EXD3: variants seen among roughly 807,000 people sequenced by gnomAD.
EXD3 encodes exonuclease 3'-5' domain containing 3, also known as exonuclease mut-7 homolog.
A neutral mutation model predicts 98.0 loss-of-function variants in EXD3; 92 were observed. The ratio of observed to expected loss-of-function variants is 0.94; its 90% confidence interval spans 0.79 to 1.12. The LOEUF (loss-of-function observed/expected upper bound fraction) is 1.12. Among genes scored for constraint, EXD3 ranks in the 50% most tolerant of loss-of-function variants. The probability of loss-of-function intolerance (pLI) is 0.00; values close to 1 mark genes in which losing one functional copy is unlikely to be tolerated. For synonymous variants in EXD3, 569 were observed against 526.0 expected (o/e 1.08, Z -1.12); for missense variants, 1,222 against 1,191.6 (o/e 1.03, Z -0.38).
At chr9:137,333,080 G>C (rs1001699182) in intron 17 of EXD3, among the ~76,000 whole-genome samples, 4 of 152,184 alleles carry the variant, frequency 2.6e-5, no homozygotes, top group Non-Finnish European at 5.9e-5. Flanking sequence ...AAGCACGCAG[G>C]AGAAGATGGA....
chr9:137,341,925 ACCAGGAGCCGTCTC>A (rs1833673619), intron 17 of EXD3, among the ~76,000 whole-genome samples: 1 of 20,752 alleles, frequency 4.8e-5, no homozygotes, highest in Non-Finnish European at 9.9e-5. Flanking sequence ...GGGCTCAGGC[ACCAGGAGCCGTCTC>A]CCAGGAGTCA....
intron 19 of EXD3, among the ~76,000 whole-genome samples, chr9:137,320,139 G>A (rs1310313998): frequency 2.0e-5 from 3 of 152,060 alleles, no homozygotes; most frequent in Admixed American, 6.5e-5. Context: ...CAGCATCTGC[G>A]GGATGTGCAC....
chr9:137,339,496 C>CAAAAAAAAAAAAAAAAAAAAAAT, intron 17 of EXD3, among the ~76,000 whole-genome samples: 1 of 92,698 alleles, frequency 1.1e-5, no homozygotes, highest in Non-Finnish European at 2.3e-5. Context: ...GACGCCACTT[C>CAAAAAAAAAAAAAAAAAAAAAAT]AAAAAAAAAA....
chr9:137,330,341 A>ACTACACAGGACTACATAGGAG (rs1832969817), intron 17 of EXD3, among the ~76,000 whole-genome samples: 2 of 119,072 alleles, frequency 1.7e-5, no homozygotes, highest in Non-Finnish European at 3.6e-5. Flanking sequence ...ACTACACAGG[A>ACTACACAGGACTACATAGGAG]CTACACAGGA....
intron 1 of EXD3, among the ~76,000 whole-genome samples, chr9:137,400,483 G>A (rs1234453175): frequency 1.3e-5 from 2 of 152,210 alleles, no homozygotes; most frequent in African/African-American, 4.8e-5. Flanking sequence ...CAGCCATTCT[G>A]GGCCGGGCAT....
At chr9:137,370,735 G>T (rs924015494) in intron 5 of EXD3, among the ~76,000 whole-genome samples, 3 of 151,600 alleles carry the variant, frequency 2.0e-5, no homozygotes, top group African/African-American at 7.3e-5. Context: ...CGAAGGCCGA[G>T]GACCCCAGCG....
intron 5 of EXD3, among the ~76,000 whole-genome samples, chr9:137,372,637 C>T (rs541799024): frequency 6.6e-6 from 1 of 152,326 alleles, no homozygotes; most frequent in African/African-American, 2.4e-5. Context: ...CCAGTGCATG[C>T]TGGGAGACAC....
At chr9:137,388,525 C>T (rs114729465) in intron 2 of EXD3, among the ~76,000 whole-genome samples, 2,011 of 152,234 alleles carry the variant, frequency 0.013, 32 homozygotes, top group African/African-American at 0.045. Context: ...CGACACTCTA[C>T]CATAAAGCGG....
At chr9:137,313,983 C>T (rs570411757) in intron 19 of EXD3, among the ~76,000 whole-genome samples, 92 of 152,294 alleles carry the variant, frequency 6.0e-4, no homozygotes, top group Non-Finnish European at 1.1e-3. Flanking sequence ...GCGGGGGTCG[C>T]CAGTGTGCCG....
intron 3 of EXD3, chr9:137,374,498 C>T (rs563136563): frequency 2.1e-6 from 2 of 941,222 alleles, no homozygotes; most frequent in East Asian, 1.2e-4. Context: ...GAGGCTGCCG[C>T]GCAGCTTTGA....
At chr9:137,397,765 A>G (rs1053341558) in intron 1 of EXD3, among the ~76,000 whole-genome samples, 1 of 152,164 alleles carries the variant, frequency 6.6e-6, no homozygotes, top group African/African-American at 2.4e-5. Flanking sequence ...CCTAGGCAAC[A>G]TGGTCAAACT....
At chr9:137,370,917 C>T (rs1242790372) in intron 5 of EXD3, among the ~76,000 whole-genome samples, 2 of 152,198 alleles carry the variant, frequency 1.3e-5, no homozygotes, top group Non-Finnish European at 2.9e-5. Context: ...AGCCGCTGCC[C>T]TCGACATGAA....
chr9:137,350,107 G>A (rs566602038), intron 14 of EXD3, among the ~76,000 whole-genome samples: 6 of 103,662 alleles, frequency 5.8e-5, no homozygotes, highest in Admixed American at 2.7e-4. Flanking sequence ...AGAGGGGTGG[G>A]GATCACGGGG....
At position 137,340,645 on chromosome 9, in the gene EXD3, G is replaced by A. The variant is rs116918047; in HGVS notation, c.1998+7426C>T. Among the ~76,000 whole-genome samples the A allele has an allele frequency of 9.6e-4, 146 of 151,842 alleles. 4 individuals are homozygous for A. The East Asian group carries it at 0.021, about 22-fold the overall frequency. Reference sequence around the variant, plus strand: ...TGGGTTCAAGTGATCATCCCACCTCGGTCCCCCAGGTGGCCAGGACCACAG... The same window carrying A: ...TGGGTTCAAGTGATCATCCCACCTCAGTCCCCCAGGTGGCCAGGACCACAG... On this transcript the variant is annotated intron_variant, in intron 17 of 21. Transcript: ENST00000340951.
At chr9:137,318,662 C>T (rs1831850050) in intron 19 of EXD3, among the ~76,000 whole-genome samples, 1 of 152,126 alleles carries the variant, frequency 6.6e-6, no homozygotes, top group African/African-American at 2.4e-5. Context: ...CTACTTGAGA[C>T]CCACAGCCAC....
chr9:137,386,657 C>T (rs1836605549), intron 2 of EXD3, among the ~76,000 whole-genome samples: 1 of 152,144 alleles, frequency 6.6e-6, no homozygotes, highest in Non-Finnish European at 1.5e-5. Flanking sequence ...AAGCCAGGGC[C>T]CACCACATCC....
rs1371354395 is a variant in EXD3, at chr9:137,349,966, T to C, written c.1495-435A>G. Among the ~76,000 whole-genome samples the C allele has an allele frequency of 3.5e-5, 5 of 144,612 alleles. No homozygotes were observed. The Admixed American group carries it at 3.5e-4, about 10-fold the overall frequency. The allele number at this position is 144,612 out of a possible 152,430, so 94.9% of individuals were successfully genotyped here. On this transcript the variant is annotated intron_variant, in intron 14 of 21. Coordinates refer to ENST00000340951, the MANE Select transcript of EXD3 (RefSeq NM_017820.5). The surrounding 1 kb of genome is among the most constrained non-coding windows in gnomAD (Gnocchi z 7.4). ...GCTCATGCTAGGGGCGCTCCACGTG[T>C]GTGTCTGGGGTGGCGTGTGTGCCCA...
At chr9:137,314,987 G>A (rs1831566065) in intron 19 of EXD3, among the ~76,000 whole-genome samples, 1 of 152,210 alleles carries the variant, frequency 6.6e-6, no homozygotes, top group Non-Finnish European at 1.5e-5. Flanking sequence ...GCCAGGAAGC[G>A]TGTTACTGCC....
At position 137,395,167 on chromosome 9, in the gene EXD3, G is replaced by C; in HGVS notation, c.55+136C>G. On this transcript the variant is annotated intron_variant, in intron 2 of 21. Transcript: ENST00000340951. The surrounding 1 kb of genome is among the most constrained non-coding windows in gnomAD (Gnocchi z 6.5). ...AAGGTCCCAAGCCGTGGACACTGTA[G>C]AGAGGCCCGCAGCTAGGGGCCAGCA... 6 of 782,288 alleles carry C rather than the reference G, an allele frequency of 7.7e-6. No individual in the cohort carries two copies. Among genetic ancestry groups the C allele is most frequent in the Non-Finnish European group, 6.6e-6 (3 of 453,654 alleles). 48.5% of individuals were successfully genotyped at this position (782,288 alleles called of 1,614,324 possible).
Sources: allele counts gnomAD v4.1 joint callset (sites outside exome capture counted in the v4.1 genomes callset), GRCh38; gene constraint gnomAD v4.1.1; non-coding constraint Gnocchi (gnomAD v3.1); transcripts MANE v1.5; gene names NCBI Gene and HGNC (gene_info 2026-07-23, HGNC 2026-07-21).